The following FBXL20 variants were observed in gnomAD, a reference collection of about 807,000 sequenced individuals.
FBXL20 encodes the protein F-box and leucine rich repeat protein 20.
In FBXL20, 11 loss-of-function variants were observed where a neutral mutation model predicts 64.0. The observed-to-expected ratio is 0.17, with a 90% CI of 0.11 to 0.28. FBXL20 has a LOEUF of 0.28. Ranked by LOEUF, FBXL20 falls within the 10% of genes least tolerant of loss-of-function variation. The pLI, the probability that FBXL20 is intolerant of heterozygous loss-of-function variation, is 1.00. For synonymous variants in FBXL20, 184 were observed against 189.0 expected (o/e 0.97, Z 0.22); for missense variants, 303 against 526.2 (o/e 0.58, Z 4.15).
At chr17:39,261,604 G>T in intron 14 of FBXL20, 37 bp from the exon 15 acceptor site, 5 of 1,455,058 alleles carry the variant, frequency 3.4e-6, no homozygotes, top group Non-Finnish European at 4.8e-6. Flanking sequence ...TTTAAGAGAG[G>T]GCTTAAACAG....
rs2044100701 is a variant in FBXL20 at position 39,371,546 on chromosome 17, G to T, written c.43-28305C>A. ...AATTGGCTCCTGACTTCCATTTTCTGTCTGGAACTTAGCTAACCCCATCCT... is the reference window on the plus strand; with the variant it reads ...AATTGGCTCCTGACTTCCATTTTCTTTCTGGAACTTAGCTAACCCCATCCT... On this transcript the variant is annotated intron_variant, in intron 1 of 14. Coordinates refer to ENST00000264658, the MANE Select transcript of FBXL20 (RefSeq NM_032875.3). Among the ~76,000 whole-genome samples, 6 of 152,156 alleles carry T rather than the reference G, an allele frequency of 3.9e-5. No individual in the cohort carries two copies. The South Asian group carries it at 1.2e-3, about 32-fold the overall frequency.
chr17:39,270,470 G>C (rs1345655441), intron 11 of FBXL20, among the ~76,000 whole-genome samples: 2 of 152,062 alleles, frequency 1.3e-5, no homozygotes, highest in Non-Finnish European at 2.9e-5. Context: ...CTTGAACCTG[G>C]GAGGTGGAGG....
intron 1 of FBXL20, among the ~76,000 whole-genome samples, chr17:39,372,742 A>C (rs112942952): frequency 1.3e-5 from 2 of 151,242 alleles, no homozygotes; most frequent in Admixed American, 6.6e-5. Context: ...CAGCCTCCCA[A>C]GTAGCTGGCA....
At chr17:39,280,920 A>G (rs1161404696) in intron 9 of FBXL20, among the ~76,000 whole-genome samples, 1 of 151,728 alleles carries the variant, frequency 6.6e-6, no homozygotes, top group African/African-American at 2.4e-5. Context: ...CACACCACCA[A>G]ACCCAGCTAA....
intron 1 of FBXL20, among the ~76,000 whole-genome samples, chr17:39,397,334 A>C (rs2048193968): frequency 6.6e-6 from 1 of 152,214 alleles, no homozygotes; most frequent in Non-Finnish European, 1.5e-5. Context: ...ACAATAATGA[A>C]CATGGATTCA....
intron 9 of FBXL20, among the ~76,000 whole-genome samples, chr17:39,275,506 G>GGTTCAAGCGATTCTCGTGCCTCAGC (rs1156636751): frequency 3.9e-5 from 6 of 152,066 alleles, no homozygotes; most frequent in Non-Finnish European, 8.8e-5. Context: ...CCACCTCCCA[G>GGTTCAAGCGATTCTCGTGCCTCAGC]GTTCAAGCGA....
At chr17:39,276,595 G>A (rs1469895119) in intron 9 of FBXL20, among the ~76,000 whole-genome samples, 2 of 152,110 alleles carry the variant, frequency 1.3e-5, no homozygotes, top group African/African-American at 4.8e-5. Context: ...CTTGAACCTG[G>A]GAGGTGGAGG....
At chr17:39,339,866 T>C (rs1266173078) in intron 2 of FBXL20, among the ~76,000 whole-genome samples, 2 of 151,992 alleles carry the variant, frequency 1.3e-5, no homozygotes, top group South Asian at 2.1e-4. Flanking sequence ...CAGGATGGTC[T>C]TGATCTCCTG....
Position 39,315,868 on chromosome 17 carries a change from A to AGAGC in FBXL20, c.105-12233_105-12230dup, listed in dbSNP as rs1555607922. Among the ~76,000 whole-genome samples the AGAGC allele has an allele frequency of 5.0e-4, 73 of 144,594 alleles. 2 individuals are homozygous for AGAGC. Among genetic ancestry groups the AGAGC allele is most frequent in the South Asian group, 1.5e-3 (7 of 4,608 alleles). The allele number at this position is 144,594 out of a possible 152,430, so 94.9% of individuals were successfully genotyped here. A position where few individuals can be genotyped will look rare whatever the true frequency, so the allele number is the denominator to read the frequency against. Reference sequence around the variant, plus strand: ...GAGAGAGAGAGAGAGAGAGAGAGAGAGAGCAACTGTAGAGCGAAATTGGTT... The same window carrying AGAGC: ...GAGAGAGAGAGAGAGAGAGAGAGAGAGAGCGAGCAACTGTAGAGCGAAATTGGTT... On this transcript the variant is annotated intron_variant, in intron 2 of 14. Transcript: ENST00000264658.
At chr17:39,381,043 C>G (rs1450815221) in intron 1 of FBXL20, among the ~76,000 whole-genome samples, 1 of 151,988 alleles carries the variant, frequency 6.6e-6, no homozygotes, top group Non-Finnish European at 1.5e-5. Flanking sequence ...ACCTGTAATC[C>G]CAGCTAGTCA....
intron 1 of FBXL20, among the ~76,000 whole-genome samples, chr17:39,386,353 G>T (rs2048080185): frequency 6.6e-6 from 1 of 151,850 alleles, no homozygotes; most frequent in Admixed American, 6.6e-5. Flanking sequence ...CTAGGGACGG[G>T]TGACGTGACT....
chr17:39,281,148 A>G (rs901886297), intron 9 of FBXL20, among the ~76,000 whole-genome samples: 7 of 152,130 alleles, frequency 4.6e-5, no homozygotes, highest in Non-Finnish European at 1.0e-4. Context: ...AAAGGGGTGG[A>G]GCTACAGTTA....
chr17:39,378,318 A>C (rs2047988979), intron 1 of FBXL20, among the ~76,000 whole-genome samples: 1 of 152,230 alleles, frequency 6.6e-6, no homozygotes, highest in African/African-American at 2.4e-5. Flanking sequence ...ACCCAATTAA[A>C]AAATGGGCAC....
intron 2 of FBXL20, among the ~76,000 whole-genome samples, chr17:39,316,315 ATTTT>A (rs1415352220): frequency 6.6e-6 from 1 of 151,384 alleles, no homozygotes. Context: ...ACACACACAC[ATTTT>A]TTTCTTTCCC....
intron 1 of FBXL20, among the ~76,000 whole-genome samples, chr17:39,359,151 G>A (rs1275658316): frequency 6.6e-6 from 1 of 152,058 alleles, no homozygotes; most frequent in African/African-American, 2.4e-5. Context: ...AAACCAGCCT[G>A]GCCAACCCCA....
chr17:39,343,259 T>C lies in FBXL20; in HGVS notation c.43-18A>G, dbSNP rs763990611. On this transcript the variant is annotated intron_variant, in intron 1 of 14. Transcript: ENST00000264658. ...GAGAACATCTGCAAAAACAAAATCA[T>C]AGTGTCAAGTGTTACTTAACATTTT... 1.0e-5 allele frequency: 16 copies of C among 1,562,154 alleles called. 1 individual carries two copies. The South Asian group carries it at 1.5e-4, about 15-fold the overall frequency.
chr17:39,329,933 G>A (rs2047444435), intron 2 of FBXL20, among the ~76,000 whole-genome samples: 1 of 152,148 alleles, frequency 6.6e-6, no homozygotes, highest in South Asian at 2.1e-4. Context: ...GTTTGAGGCT[G>A]CAGCAAACTA....
intron 1 of FBXL20, among the ~76,000 whole-genome samples, chr17:39,398,040 C>CGGAG (rs2048201456): frequency 1.8e-5 from 1 of 56,680 alleles, no homozygotes; most frequent in Non-Finnish European, 4.0e-5. Flanking sequence ...GGCCGGCGGG[C>CGGAG]GGGGGGGGGG....
At chr17:39,337,685 A>C (rs994166637) in intron 2 of FBXL20, among the ~76,000 whole-genome samples, 10 of 147,994 alleles carry the variant, frequency 6.8e-5, no homozygotes, top group African/African-American at 1.0e-4. Flanking sequence ...GCCCCGTCTG[A>C]GAAGTGAGGA....
Sources: allele counts gnomAD v4.1 joint callset (sites outside exome capture counted in the v4.1 genomes callset), GRCh38; gene constraint gnomAD v4.1.1; transcripts MANE v1.5; gene names NCBI Gene and HGNC (gene_info 2026-07-23, HGNC 2026-07-21).